EPB41L3: variants seen among roughly 807,000 people sequenced by gnomAD.
EPB41L3 encodes band 4.1-like protein 3.
Under a neutral mutation model 127.1 loss-of-function variants are expected in EPB41L3, and 57 were observed. The observed-to-expected ratio is 0.45, with a 90% CI of 0.36 to 0.56. The LOEUF is 0.56. Among genes scored for constraint, EPB41L3 ranks in the 20% least tolerant of loss-of-function variants. The pLI is 0.00. For missense variants in EPB41L3, 1,273 were observed against 1,372.2 expected, an observed-to-expected ratio of 0.93 and a Z score of 1.14; for synonymous variants, 572 against 549.5, an observed-to-expected ratio of 1.04 and a Z score of -0.57.
intron 3 of EPB41L3, among the ~76,000 whole-genome samples, chr18:5,445,514 G>C (rs2081347997): frequency 6.6e-6 from 1 of 152,224 alleles, no homozygotes; most frequent in Non-Finnish European, 1.5e-5. Context: ...CAGGTGACCA[G>C]TGGGTGATTT....
At chr18:5,614,871 T>C (rs2094774544) in intron 1 of EPB41L3, among the ~76,000 whole-genome samples, 1 of 152,166 alleles carries the variant, frequency 6.6e-6, no homozygotes, top group Admixed American at 6.5e-5. Flanking sequence ...AAGAAAATAA[T>C]TATACATTAG....
intron 16 of EPB41L3, among the ~76,000 whole-genome samples, chr18:5,405,543 T>G (rs2075234034): frequency 6.6e-6 from 1 of 150,556 alleles, no homozygotes; most frequent in African/African-American, 2.5e-5. Flanking sequence ...TAAAAAGAGC[T>G]TCCTTGGGAG....
chr18:5,400,898 AAG>A, intron 16 of EPB41L3: 2 of 910,334 alleles, frequency 2.2e-6, no homozygotes, highest in Non-Finnish European at 3.4e-6. Flanking sequence ...AATAAAAACT[AAG>A]AGCATTTTAA....
chr18:5,464,637 T>C (rs958930992), intron 3 of EPB41L3, among the ~76,000 whole-genome samples: 2 of 152,068 alleles, frequency 1.3e-5, no homozygotes, highest in Non-Finnish European at 2.9e-5. Context: ...CAGACTAACA[T>C]AGAACTCCAA....
At chr18:5,419,589 G>A (rs2077219667) in intron 12 of EPB41L3, 122 bp downstream of exon 12, 1 of 1,312,194 alleles carries the variant, frequency 7.6e-7, no homozygotes, top group African/African-American at 1.5e-5. Context: ...ACATATGAAT[G>A]TGACCAGTGC....
At chr18:5,628,564 G>T (rs895591553) in intron 1 of EPB41L3, among the ~76,000 whole-genome samples, 3 of 152,206 alleles carry the variant, frequency 2.0e-5, no homozygotes, top group African/African-American at 7.2e-5. Flanking sequence ...CCCTTTCCTT[G>T]TCTTGTGGAC....
rs57567803 is a variant in EPB41L3, at chr18:5,566,723, CATTCTATTCTATTCTATTCTATTCT to C, written c.-306+45592_-306+45616del. On this transcript the variant is annotated intron_variant, in intron 3 of 21. Transcript: ENST00000545076. ...CTGACCTTTCTTTTCTTTTCTATTC[CATTCTATTCTATTCTATTCTATTCT>C]ATTCTATTCTATTCTATTCTATTCT... Among the ~76,000 whole-genome samples the C allele has an allele frequency of 1.8e-3, 197 of 112,418 alleles. 4 individuals carry two copies. The highest frequency in any genetic ancestry group is 6.7e-3 in the African/African-American group (192 of 28,588). 73.8% of individuals were successfully genotyped at this position (112,418 alleles called of 152,430 possible). A position where few individuals can be genotyped will look rare whatever the true frequency, so the allele number is the denominator to read the frequency against.
chr18:5,406,988 T>A lies in EPB41L3; in HGVS notation c.2158-20A>T. On this transcript the variant is annotated intron_variant, in intron 15 of 22. Coordinates refer to ENST00000341928, the MANE Select transcript of EPB41L3 (RefSeq NM_012307.5). ...TAGCTCCTATATTCAGAACATAAAG[T>A]ATCCAACAGTCAATGTTTTACATTT... The A allele has an allele frequency of 1.9e-6, 3 of 1,600,300 alleles. No homozygotes were observed. The highest frequency in any genetic ancestry group is 1.7e-6 in the Non-Finnish European group (2 of 1,167,526).
intron 1 of EPB41L3, among the ~76,000 whole-genome samples, chr18:5,616,981 A>G (rs1490987991): frequency 6.6e-6 from 1 of 152,234 alleles, no homozygotes; most frequent in Admixed American, 6.5e-5. Flanking sequence ...TATAATATAT[A>G]ATGAAATGCA....
intron 1 of EPB41L3, among the ~76,000 whole-genome samples, chr18:5,510,664 G>T (rs966272087): frequency 2.6e-5 from 4 of 152,134 alleles, no homozygotes; most frequent in Non-Finnish European, 5.9e-5. Context: ...GAACGTCTGC[G>T]GCACTGTGTA....
At chr18:5,620,444 A>G (rs1395983176) in intron 1 of EPB41L3, among the ~76,000 whole-genome samples, 3 of 152,228 alleles carry the variant, frequency 2.0e-5, no homozygotes, top group African/African-American at 7.2e-5. Context: ...TTTTTCACTT[A>G]GTGAAAATAT....
intron 8 of EPB41L3, among the ~76,000 whole-genome samples, chr18:5,430,959 G>T (rs1241938079): frequency 6.6e-6 from 1 of 152,052 alleles, no homozygotes; most frequent in African/African-American, 2.4e-5. Context: ...AAGGAGCACT[G>T]GGGTGTACCC....
At chr18:5,425,500 T>C (rs2078048415) in intron 9 of EPB41L3, among the ~76,000 whole-genome samples, 1 of 152,174 alleles carries the variant, frequency 6.6e-6, no homozygotes, top group Admixed American at 6.5e-5. Context: ...TGCCAGGGGT[T>C]ATATGGAAGA....
intron 5 of EPB41L3, among the ~76,000 whole-genome samples, chr18:5,438,954 G>T (rs2080262947): frequency 6.6e-6 from 1 of 152,030 alleles, no homozygotes; most frequent in Non-Finnish European, 1.5e-5. Flanking sequence ...ATTGTATATG[G>T]TTTATCAATA....
intron 1 of EPB41L3, among the ~76,000 whole-genome samples, chr18:5,517,474 T>C (rs1348009481): frequency 1.3e-5 from 2 of 152,102 alleles, no homozygotes; most frequent in Non-Finnish European, 2.9e-5. Flanking sequence ...TCTCACTCTG[T>C]TACCCAGGCT....
At position 5,416,265 on chromosome 18, in the gene EPB41L3, T is replaced by C; in HGVS notation, c.1620A>G (p.Pro540=). The C allele has an allele frequency of 6.2e-7, 1 of 1,614,056 alleles. No homozygotes were observed. The highest frequency in any genetic ancestry group is 1.1e-5 in the South Asian group (1 of 91,078). The change falls in exon 13 of 23, where the codon CCA becomes CCG. Residue 540 remains proline, a synonymous_variant. Transcript: ENST00000341928. ...GCTCAGCTCTGGACGGCTCATAACC[T>C]GGCAGTTTGCAGTCATTCTCCTTAC... ...RRCKENDCKL[P]GYEPSRAEHL... is the part of the protein sequence containing the mutation.
At chr18:5,476,995 G>T (rs1390100638) in intron 3 of EPB41L3, among the ~76,000 whole-genome samples, 1 of 152,144 alleles carries the variant, frequency 6.6e-6, no homozygotes, top group South Asian at 2.1e-4. Flanking sequence ...AATAATTTTT[G>T]ATGTAAGACT....
chr18:5,608,151 G>A (rs900008003), intron 3 of EPB41L3, among the ~76,000 whole-genome samples: 23 of 152,244 alleles, frequency 1.5e-4, no homozygotes, highest in African/African-American at 5.5e-4. Flanking sequence ...CCATAATTGA[G>A]TGCCTGGTGG....
At chr18:5,417,098 T>C (rs1390480649) in intron 12 of EPB41L3, among the ~76,000 whole-genome samples, 4 of 152,222 alleles carry the variant, frequency 2.6e-5, no homozygotes. Flanking sequence ...ACTGAAGTGA[T>C]TTCAACAAGC....
Sources: allele counts gnomAD v4.1 joint callset (sites outside exome capture counted in the v4.1 genomes callset), GRCh38; gene constraint gnomAD v4.1.1; transcripts MANE v1.5; gene names NCBI Gene and HGNC (gene_info 2026-07-23, HGNC 2026-07-21).